The following ENO1 variants were observed in gnomAD, a reference collection of about 807,000 sequenced individuals.
ENO1 encodes alpha-enolase.
ENO1 carries 33 observed loss-of-function variants against 46.3 expected under a neutral mutation model. The ratio of observed to expected loss-of-function variants is 0.71; its 90% CI spans 0.54 to 0.95. ENO1 has a LOEUF of 0.95. Among genes scored for constraint, ENO1 ranks in the 40% least tolerant of loss-of-function variants. The probability of loss-of-function intolerance (pLI) is 0.00; values close to 1 mark genes in which losing one functional copy is unlikely to be tolerated. For synonymous variants in ENO1, 220 were observed against 216.0 expected, an observed-to-expected ratio of 1.02 and a Z score of -0.16; for missense variants, 488 against 553.3, an observed-to-expected ratio of 0.88 and a Z score of 1.18.
intron 7 of ENO1, 26 bp downstream of exon 7, chr1:8,866,253 G>A (rs752295967): frequency 6.8e-6 from 11 of 1,609,194 alleles, no homozygotes; most frequent in African/African-American, 2.7e-5. Flanking sequence ...GGGCTGGGTG[G>A]GGGGGCGGTT....
At position 8,865,286 on chromosome 1, in the gene ENO1, T is replaced by C. The variant is rs1421348963; in HGVS notation, c.864A>G (p.Pro288=). 3.1e-6 allele frequency: 5 copies of C among 1,614,032 alleles called. No homozygotes were observed. The highest frequency in any genetic ancestry group is 1.7e-6 in the Non-Finnish European group (2 of 1,179,942). ...AGATGGCACTCGGGGAACACTCACC[T>C]GGGTAGTCCTTGATGAAGGACTTGT... ...DLYKSFIKDY[P]VVSIEDPFDQ... Residue 288 remains proline (P), a splice_region_variant and synonymous_variant, in exon 8 of 12, where the codon CCA becomes CCG. Transcript: ENST00000234590.
intron 3 of ENO1, 160 bp from the exon 4 acceptor site, chr1:8,870,670 C>T: frequency 6.8e-7 from 1 of 1,480,238 alleles, no homozygotes. Flanking sequence ...AATCGGAGGA[C>T]TTTCCGGCCC....
At chr1:8,863,019 T>C in intron 10 of ENO1, 74 bp from the exon 11 acceptor site, 1 of 1,569,788 alleles carries the variant, frequency 6.4e-7, no homozygotes, top group Non-Finnish European at 8.7e-7. Context: ...GAGGGTGTGG[T>C]GTCAGAGAGA....
intron 4 of ENO1, among the ~76,000 whole-genome samples, chr1:8,868,480 T>C (rs755520035): frequency 2.0e-5 from 3 of 152,162 alleles, no homozygotes; most frequent in Non-Finnish European, 4.4e-5. Flanking sequence ...AGGCAGGCTC[T>C]GCTGCTCACT....
At chr1:8,872,914 C>T (rs1569918159) in intron 2 of ENO1, among the ~76,000 whole-genome samples, 1 of 152,300 alleles carries the variant, frequency 6.6e-6, no homozygotes, top group Admixed American at 6.5e-5. Flanking sequence ...CTGAAACCAG[C>T]CATCTGGTGA....
chr1:8,867,285 T>C, intron 5 of ENO1, 35 bp from the exon 6 acceptor site: 3 of 1,609,744 alleles, frequency 1.9e-6, no homozygotes, highest in Non-Finnish European at 2.6e-6. Context: ...AATGAAGTCA[T>C]TTCTGATTCA....
Position 8,865,420 on chromosome 1 carries a change from T to A in ENO1, c.730A>T (p.Met244Leu). The stretch of plus-strand genomic sequence containing the variant: ...AAGAACTCGGAGGCCGCTACGTCCA[T>A]GCCGATGACCACCTTATCAGTGTAG... ...AGYTDKVVIG[M>L]DVAASEFFRS... Residue 244 changes from methionine (M) to leucine (L), a missense_variant, in exon 8 of 12, where the codon ATG (methionine) becomes TTG (leucine). Met to Leu is a conservative substitution (Grantham distance 15, BLOSUM62 2). Coordinates refer to ENST00000234590, the MANE Select transcript of ENO1 (RefSeq NM_001428.5). The A allele has an allele frequency of 6.2e-7, 1 of 1,614,044 alleles. No homozygotes were observed. Among genetic ancestry groups the A allele is most frequent in the African/African-American group, 1.3e-5 (1 of 75,058 alleles).
chr1:8,869,167 C>T (rs569866874), intron 4 of ENO1, among the ~76,000 whole-genome samples: 2 of 152,012 alleles, frequency 1.3e-5, no homozygotes, highest in South Asian at 4.1e-4. Context: ...AGGCAGTTAC[C>T]CAAGCACACA....
intron 7 of ENO1, 199 bp downstream of exon 7, chr1:8,866,080 A>C: frequency 4.5e-6 from 2 of 448,052 alleles, no homozygotes; most frequent in Non-Finnish European, 7.9e-6. Context: ...CCATCTCAAA[A>C]AAAAAAAAAA....
At chr1:8,872,974 T>C (rs921223214) in intron 2 of ENO1, among the ~76,000 whole-genome samples, 3 of 152,170 alleles carry the variant, frequency 2.0e-5, no homozygotes, top group Non-Finnish European at 4.4e-5. Flanking sequence ...AAAGAACAGA[T>C]GGTGTCAAGG....
At chr1:8,868,456 G>C (rs979268583) in intron 4 of ENO1, among the ~76,000 whole-genome samples, 3 of 152,128 alleles carry the variant, frequency 2.0e-5, no homozygotes, top group Non-Finnish European at 4.4e-5. Context: ...ACTCAAGCAG[G>C]CTGAGCCCTT....
At chr1:8,870,591 G>A (rs1259172301) in intron 3 of ENO1, 81 bp from the exon 4 acceptor site, 9 of 1,594,324 alleles carry the variant, frequency 5.6e-6, no homozygotes, top group Non-Finnish European at 7.7e-6. Context: ...AACCACTGTT[G>A]AGGCCGACGC....
intron 4 of ENO1, among the ~76,000 whole-genome samples, chr1:8,868,782 C>G (rs1420516637): frequency 6.6e-6 from 1 of 152,136 alleles, no homozygotes; most frequent in Non-Finnish European, 1.5e-5. Flanking sequence ...ACCTCGTGGG[C>G]TCAAATGATC....
chr1:8,863,096 C>T lies in ENO1; in HGVS notation c.1176+139G>A, dbSNP rs535799134. On this transcript the variant is annotated intron_variant, in intron 10 of 11. Coordinates refer to ENST00000234590, the MANE Select transcript of ENO1 (RefSeq NM_001428.5). ...ACATACAGGCAGGGCGCTCATGCCC[C>T]CATTCTGTTCAGCCTCAGAAACAAG... 63 of 1,333,826 alleles carry T rather than the reference C, an allele frequency of 4.7e-5. No homozygotes were observed. In the African/African-American group the frequency reaches 6.8e-4, roughly 14 times the overall value. The allele number at this position is 1,333,826 out of a possible 1,614,324, so 82.6% of individuals were successfully genotyped here.
Position 8,862,923 on chromosome 1 carries a change from C to CG in ENO1, c.1198dup (p.Arg400ProfsTer3). 6.2e-7 allele frequency: 1 copy of CG among 1,614,086 alleles called. No homozygotes were observed. Among genetic ancestry groups the CG allele is most frequent in the Non-Finnish European group, 8.5e-7 (1 of 1,179,988 alleles). ...GTTGTACTTGGCCAAGCGCTCAGAT[C>CG]GGCAAGGGGCACCAGTCTTGATCTA... is the stretch of plus-strand genomic sequence containing the variant. On this transcript the variant is annotated frameshift_variant, in exon 11 of 12. Coordinates refer to ENST00000234590, the MANE Select transcript of ENO1 (RefSeq NM_001428.5). LOFTEE classifies it high-confidence loss of function.
chr1:8,870,942 T>C, intron 3 of ENO1: 1 of 1,250,930 alleles, frequency 8.0e-7, no homozygotes, highest in Non-Finnish European at 1.0e-6. Context: ...AACCGGTGAT[T>C]AAGGACTGCG....
chr1:8,866,620 G>C (rs1008186782), intron 6 of ENO1, 119 bp from the exon 7 acceptor site: 2 of 1,085,150 alleles, frequency 1.8e-6, no homozygotes, highest in Admixed American at 2.1e-5. Flanking sequence ...CTTGCTTCTT[G>C]AGGAGCACCA....
chr1:8,869,029 G>C (rs1464097740), intron 4 of ENO1, among the ~76,000 whole-genome samples: 2 of 152,002 alleles, frequency 1.3e-5, no homozygotes, highest in Non-Finnish European at 2.9e-5. Flanking sequence ...TTAATAACAA[G>C]GCATTATTTT....
intron 1 of ENO1, chr1:8,877,660 A>T (rs1324664609): frequency 1.3e-5 from 2 of 151,800 alleles, no homozygotes; most frequent in African/African-American, 4.8e-5. Context: ...GCTCAAGACC[A>T]GCCTGGCCAA....
Sources: gnomAD v4.1 joint callset for allele counts (sites outside exome capture counted in the v4.1 genomes callset) on GRCh38, gnomAD v4.1.1 for gene constraint, MANE v1.5 for transcripts, NCBI Gene and HGNC (gene_info 2026-07-23, HGNC 2026-07-21) for gene names.